Variants in SOX5 observed in about 807,000 individuals in gnomAD.
The protein encoded by SOX5 is transcription factor SOX-5.
Under a neutral mutation model 92.0 loss-of-function variants are expected in SOX5, and 9 were observed. The ratio of observed to expected loss-of-function variants is 0.10; its 90% confidence interval spans 0.06 to 0.17. SOX5 has a LOEUF of 0.17. SOX5 is among the 10% of genes least tolerant of loss of function. The pLI is 1.00. For synonymous variants in SOX5, 344 were observed against 336.3 expected (o/e 1.02, Z -0.25); for missense variants, 642 against 944.5 (o/e 0.68, Z 4.20).
At chr12:24,094,968 T>C (rs1315061377) in intron 4 of SOX5, among the ~76,000 whole-genome samples, 2 of 152,172 alleles carry the variant, frequency 1.3e-5, no homozygotes, top group African/African-American at 2.4e-5. Context: ...TCTCCTTTTG[T>C]TTATCCAAGG....
At chr12:24,080,751 C>A (rs1376703911) in intron 4 of SOX5, among the ~76,000 whole-genome samples, 1 of 151,920 alleles carries the variant, frequency 6.6e-6, no homozygotes, top group East Asian at 1.9e-4. Context: ...AGCTATGGCA[C>A]ATTGCTTAAA....
chr12:23,944,373 C>G, intron 1 of SOX5: 1 of 152,162 alleles, frequency 6.6e-6, no homozygotes, highest in South Asian at 2.1e-4. Context: ...TGCAACACCC[C>G]CCTATTGGAC....
intron 1 of SOX5, among the ~76,000 whole-genome samples, chr12:24,394,322 A>G (rs1046855993): frequency 3.3e-5 from 5 of 152,158 alleles, no homozygotes; most frequent in African/African-American, 1.2e-4. Context: ...TGCCAGGTAC[A>G]TATTAGTTTC....
At chr12:23,819,076 T>C (rs953520354) in intron 3 of SOX5, among the ~76,000 whole-genome samples, 2 of 152,210 alleles carry the variant, frequency 1.3e-5, no homozygotes, top group Non-Finnish European at 2.9e-5. Flanking sequence ...ATAGTAAATA[T>C]ATACATCAGT....
At chr12:23,914,363 A>G (rs192930581) in intron 1 of SOX5, among the ~76,000 whole-genome samples, 1 of 152,304 alleles carries the variant, frequency 6.6e-6, no homozygotes, top group East Asian at 1.9e-4. Context: ...TAGTAGTTGG[A>G]ATTAATTTAT....
intron 8 of SOX5, among the ~76,000 whole-genome samples, chr12:23,627,954 T>C (rs545365803): frequency 6.6e-6 from 1 of 152,190 alleles, no homozygotes; most frequent in East Asian, 1.9e-4. Context: ...CTTGATATTT[T>C]ATGGTTTTAT....
In SOX5 at chr12:24,133,862, G is replaced by C. The variant is rs140528147; in HGVS notation, c.-2+79481C>G. On this transcript the variant is annotated intron_variant, in intron 4 of 4. Transcript: ENST00000446891. ...AATGCAAATAGGGATATAATGATTA[G>C]AATCACATTCTGATATATAGCACAC... Among the ~76,000 whole-genome samples the C allele has an allele frequency of 9.9e-5, 15 of 152,212 alleles. No individual in the cohort carries two copies. In the East Asian group the frequency reaches 2.7e-3, roughly 27 times the overall value.
At chr12:24,347,037 T>C (rs1953380546) in intron 2 of SOX5, among the ~76,000 whole-genome samples, 1 of 152,102 alleles carries the variant, frequency 6.6e-6, no homozygotes, top group Admixed American at 6.5e-5. Flanking sequence ...TAAAAAAAAA[T>C]TGTGGTATAC....
rs986488078 is a variant in SOX5 at position 23,654,032 on chromosome 12, C to T, written c.931+11412G>A. Among the ~76,000 whole-genome samples the T allele has an allele frequency of 6.6e-5, 10 of 151,988 alleles. No homozygotes were observed. The East Asian group carries it at 1.3e-3, about 20-fold the overall frequency. ...AGACAACTCTTGGCATATCAAAAGCCTAAGGTTTAGTAGAAAAACCATATT... is the reference window on the plus strand; with the variant it reads ...AGACAACTCTTGGCATATCAAAAGCTTAAGGTTTAGTAGAAAAACCATATT... On this transcript the variant is annotated intron_variant, in intron 7 of 14. Transcript: ENST00000451604.
chr12:24,492,680 C>A (rs191116101), intron 1 of SOX5, among the ~76,000 whole-genome samples: 2 of 152,222 alleles, frequency 1.3e-5, no homozygotes, highest in Admixed American at 6.5e-5. Flanking sequence ...TGTTACCATG[C>A]CTGAATTACT....
At chr12:24,414,709 C>T (rs551603404) in intron 1 of SOX5, among the ~76,000 whole-genome samples, 52 of 152,282 alleles carry the variant, frequency 3.4e-4, no homozygotes, top group African/African-American at 1.2e-3. Context: ...AAACTAAGCT[C>T]GACAGCTGCC....
At chr12:23,915,298 C>A (rs1033512035) in intron 1 of SOX5, among the ~76,000 whole-genome samples, 2 of 152,070 alleles carry the variant, frequency 1.3e-5, no homozygotes, top group Non-Finnish European at 2.9e-5. Context: ...TAGCTCTAAA[C>A]CATAGTTAAG....
Position 24,553,452 on chromosome 12 carries a change from G to C in SOX5, c.-251+8877C>G, listed in dbSNP as rs1953418996. On this transcript the variant is annotated intron_variant, in intron 1 of 4. Transcript: ENST00000446891. ...TTTTCCTACTTCCCCATCGTGCAGGGCTGCCTTGACTCAATATGAAACTCA... is the reference window on the plus strand; with the variant it reads ...TTTTCCTACTTCCCCATCGTGCAGGCCTGCCTTGACTCAATATGAAACTCA... Among the ~76,000 whole-genome samples, 6 of 152,172 alleles carry C rather than the reference G, an allele frequency of 3.9e-5. No individual in the cohort carries two copies. In the South Asian group the frequency reaches 1.2e-3, roughly 31 times the overall value.
chr12:23,874,372 G>A (rs983094923), intron 2 of SOX5, among the ~76,000 whole-genome samples: 2 of 152,142 alleles, frequency 1.3e-5, no homozygotes, highest in Non-Finnish European at 2.9e-5. Flanking sequence ...TGGACTTGAG[G>A]CAATCAAGTT....
intron 2 of SOX5, among the ~76,000 whole-genome samples, chr12:24,353,733 C>T (rs574392294): frequency 2.6e-5 from 4 of 152,120 alleles, no homozygotes; most frequent in South Asian, 2.1e-4. Flanking sequence ...CCCCGCCTCC[C>T]GGCTTCAAAC....
At chr12:24,470,615 G>C (rs562067151) in intron 1 of SOX5, among the ~76,000 whole-genome samples, 2 of 152,276 alleles carry the variant, frequency 1.3e-5, no homozygotes, top group Non-Finnish European at 2.9e-5. Context: ...TAGACAACTA[G>C]TGTGACTGCG....
intron 1 of SOX5, among the ~76,000 whole-genome samples, chr12:24,404,739 T>C (rs1962520337): frequency 6.6e-6 from 1 of 152,130 alleles, no homozygotes; most frequent in South Asian, 2.1e-4. Context: ...TTTGAAGTAA[T>C]TGCGCTCCTC....
At chr12:24,084,059 A>T (rs1469526977) in intron 4 of SOX5, among the ~76,000 whole-genome samples, 1 of 152,090 alleles carries the variant, frequency 6.6e-6, no homozygotes, top group African/African-American at 2.4e-5. Flanking sequence ...TGAGGAGATA[A>T]AAAATCTGTA....
intron 2 of SOX5, among the ~76,000 whole-genome samples, chr12:24,312,922 C>T (rs1949331924): frequency 6.6e-6 from 1 of 152,122 alleles, no homozygotes; most frequent in Admixed American, 6.5e-5. Flanking sequence ...AGCGGTTCTG[C>T]TTTTTGGCAT....
Sources: allele counts gnomAD v4.1 joint callset (sites outside exome capture counted in the v4.1 genomes callset), GRCh38; gene constraint gnomAD v4.1.1; transcripts MANE v1.5; gene names NCBI Gene and HGNC (gene_info 2026-07-23, HGNC 2026-07-21).